The following SOX5 variants were observed in gnomAD, a reference collection of about 807,000 sequenced individuals.
The protein encoded by SOX5 is transcription factor SOX-5.
In SOX5, 9 loss-of-function variants were observed where a neutral mutation model predicts 92.0. The ratio of observed to expected loss-of-function variants is 0.10; its 90% CI spans 0.06 to 0.17. SOX5 has a LOEUF of 0.17. SOX5 is among the 10% of genes least tolerant of loss of function. SOX5 has a pLI of 1.00. For missense variants in SOX5, 642 were observed against 944.5 expected (o/e 0.68, Z 4.20); for synonymous variants, 344 against 336.3 (o/e 1.02, Z -0.25).
intron 2 of SOX5, among the ~76,000 whole-genome samples, chr12:23,857,855 C>G (rs1341089759): frequency 6.6e-6 from 1 of 151,978 alleles, no homozygotes; most frequent in Non-Finnish European, 1.5e-5. Context: ...GCCTCAGCCT[C>G]CTGAGTAGGT....
intron 1 of SOX5, among the ~76,000 whole-genome samples, chr12:24,471,612 G>A (rs149087834): frequency 6.6e-6 from 1 of 152,112 alleles, no homozygotes; most frequent in South Asian, 2.1e-4. Context: ...AAATGAGGAT[G>A]GGGGAGGAGC....
At chr12:23,737,566 T>C (rs918581750) in intron 5 of SOX5, among the ~76,000 whole-genome samples, 4 of 152,098 alleles carry the variant, frequency 2.6e-5, no homozygotes, top group Non-Finnish European at 5.9e-5. Flanking sequence ...ATATGTATAG[T>C]CATGCTAGTC....
At chr12:24,534,336 C>A (rs1317353823) in intron 1 of SOX5, among the ~76,000 whole-genome samples, 9 of 151,506 alleles carry the variant, frequency 5.9e-5, no homozygotes, top group Admixed American at 3.3e-4. Flanking sequence ...AACTCTTAGA[C>A]CATGGTGGTA....
At chr12:23,637,401 G>A (rs988847788) in intron 8 of SOX5, among the ~76,000 whole-genome samples, 3 of 152,072 alleles carry the variant, frequency 2.0e-5, no homozygotes, top group African/African-American at 7.2e-5. Context: ...AAAGACATCA[G>A]CAATTGGTAC....
At chr12:24,506,687 G>GA (rs1948778205) in intron 1 of SOX5, among the ~76,000 whole-genome samples, 1 of 150,328 alleles carries the variant, frequency 6.7e-6, no homozygotes, top group African/African-American at 2.4e-5. Flanking sequence ...GAGCCTTGAA[G>GA]AATCTATTAA....
At chr12:24,454,310 C>T (rs1476730605) in intron 1 of SOX5, among the ~76,000 whole-genome samples, 4 of 152,204 alleles carry the variant, frequency 2.6e-5, no homozygotes, top group Non-Finnish European at 5.9e-5. Flanking sequence ...AAGCAACTCT[C>T]AGGTGATTAA....
At chr12:23,547,598 A>G (rs1943386567) in intron 11 of SOX5, among the ~76,000 whole-genome samples, 1 of 152,076 alleles carries the variant, frequency 6.6e-6, no homozygotes, top group Non-Finnish European at 1.5e-5. Context: ...AGTCTCTGAC[A>G]ATGTGACAAC....
chr12:23,632,668 A>G (rs1468536081), intron 8 of SOX5, among the ~76,000 whole-genome samples: 4 of 152,092 alleles, frequency 2.6e-5, no homozygotes, highest in Non-Finnish European at 2.9e-5. Context: ...TATTTCATCT[A>G]CCTCTACCTT....
At chr12:24,554,452 A>G (rs1597894174) in intron 1 of SOX5, among the ~76,000 whole-genome samples, 2 of 152,308 alleles carry the variant, frequency 1.3e-5, no homozygotes, top group South Asian at 4.1e-4. Context: ...GGAAAAAATT[A>G]TGCCAAAAGC....
intron 4 of SOX5, among the ~76,000 whole-genome samples, chr12:23,973,160 CTTTTTTTTTTTTT>C (rs60609193): frequency 8.9e-6 from 1 of 111,998 alleles, no homozygotes; most frequent in Non-Finnish European, 1.8e-5. Flanking sequence ...TAACTTTTTT[CTTTTTTTTTTTTT>C]TTTTTTGAGA....
intron 3 of SOX5, among the ~76,000 whole-genome samples, chr12:23,820,846 C>A (rs1453356682): frequency 6.6e-6 from 1 of 152,002 alleles, no homozygotes; most frequent in African/African-American, 2.4e-5. Flanking sequence ...TAGTCTGAAG[C>A]CAGATGGTGT....
chr12:23,884,311 A>T (rs2097035281), intron 2 of SOX5, among the ~76,000 whole-genome samples: 1 of 152,182 alleles, frequency 6.6e-6, no homozygotes, highest in South Asian at 2.1e-4. Context: ...TAATTTTGTC[A>T]CTGAGGGTCA....
intron 8 of SOX5, among the ~76,000 whole-genome samples, chr12:23,608,108 G>GAAAAAAAAAAAAAAAAA (rs1566278538): frequency 1.8e-4 from 1 of 5,676 alleles, no homozygotes; most frequent in African/African-American, 2.6e-4. Flanking sequence ...TGTCTCAAAA[G>GAAAAAAAAAAAAAAAAA]AAAAAAGAAA....
At chr12:24,080,418 T>C (rs1943185019) in intron 4 of SOX5, among the ~76,000 whole-genome samples, 1 of 152,048 alleles carries the variant, frequency 6.6e-6, no homozygotes, top group African/African-American at 2.4e-5. Context: ...ATGATATATC[T>C]CTTAAATTTT....
At chr12:24,344,265 G>A (rs1213153194) in intron 2 of SOX5, among the ~76,000 whole-genome samples, 1 of 124,200 alleles carries the variant, frequency 8.1e-6, no homozygotes, top group Non-Finnish European at 1.6e-5. Context: ...CCTGGCGACA[G>A]AGCAAGACTC....
chr12:23,849,887 A>C (rs2096612725), intron 2 of SOX5, among the ~76,000 whole-genome samples: 1 of 152,194 alleles, frequency 6.6e-6, no homozygotes, highest in Non-Finnish European at 1.5e-5. Context: ...TTTTATAACT[A>C]TCTTTATAAA....
At chr12:23,799,169 T>A (rs1047290538) in intron 3 of SOX5, among the ~76,000 whole-genome samples, 22 of 152,000 alleles carry the variant, frequency 1.4e-4, no homozygotes, top group Non-Finnish European at 3.1e-4. Context: ...TTTCTTCCAG[T>A]AGATAAAGGT....
At chr12:23,949,937 C>G (rs1945327964), upstream of SOX5, among the ~76,000 whole-genome samples, 1 of 151,796 alleles carries the variant, frequency 6.6e-6, no homozygotes, top group Non-Finnish European at 1.5e-5. Context: ...TAGACAACCT[C>G]AGGGTGCCTG....
At chr12:23,802,308 C>T (rs556634953) in intron 3 of SOX5, among the ~76,000 whole-genome samples, 8 of 152,230 alleles carry the variant, frequency 5.3e-5, no homozygotes, top group Non-Finnish European at 1.0e-4. Flanking sequence ...TCTCGATCTC[C>T]TGACCTCGTG....
Sources: allele counts gnomAD v4.1 joint callset (sites outside exome capture counted in the v4.1 genomes callset), GRCh38; gene constraint gnomAD v4.1.1; transcripts MANE v1.5; gene names NCBI Gene and HGNC (gene_info 2026-07-23, HGNC 2026-07-21).